Variants in SMR3A observed in about 807,000 individuals in gnomAD.
The protein encoded by SMR3A is submaxillary gland androgen-regulated protein 3A.
For missense variants in SMR3A, 188 were observed against 163.0 expected (o/e 1.15, Z -0.84); for synonymous variants, 48 against 57.4 (o/e 0.84, Z 0.74).
chr4:70,366,578 C>G (rs1345351631), intron 2 of SMR3A, 66 bp from the exon 3 acceptor site: 2 of 1,412,442 alleles, frequency 1.4e-6, no homozygotes, highest in African/African-American at 2.9e-5. Flanking sequence ...ACCATAGAAA[C>G]CATTCACCCT....
chr4:70,365,482 A>G (rs1732239900), intron 2 of SMR3A, among the ~76,000 whole-genome samples: 1 of 152,026 alleles, frequency 6.6e-6, no homozygotes, highest in African/African-American at 2.4e-5. Flanking sequence ...TGTGACAACA[A>G]CCGCAGGAGA....
intron 1 of SMR3A, 103 bp from the exon 2 acceptor site, chr4:70,361,999 A>T: frequency 6.6e-7 from 1 of 1,521,252 alleles, no homozygotes; most frequent in South Asian, 1.3e-5. Context: ...AAAAGGCTAC[A>T]GTAGTATATC....
chr4:70,366,393 G>A (rs1329518454), intron 2 of SMR3A, among the ~76,000 whole-genome samples: 1 of 151,358 alleles, frequency 6.6e-6, no homozygotes, highest in Non-Finnish European at 1.5e-5. Flanking sequence ...CATGGCCCTC[G>A]CCACAACACG....
At chr4:70,362,065 A>C in intron 1 of SMR3A, 37 bp from the exon 2 acceptor site, 1 of 1,609,444 alleles carries the variant, frequency 6.2e-7, no homozygotes, top group Non-Finnish European at 8.5e-7. Flanking sequence ...TTTAATAAAA[A>C]ACAATCATAC....
chr4:70,361,327 T>C (rs1217049796), intron 1 of SMR3A, among the ~76,000 whole-genome samples: 1 of 151,920 alleles, frequency 6.6e-6, no homozygotes, highest in Non-Finnish European at 1.5e-5. Flanking sequence ...ACTCAACCTA[T>C]GTGCAGAGTT....
intron 2 of SMR3A, among the ~76,000 whole-genome samples, chr4:70,364,835 A>T (rs1732226484): frequency 6.6e-6 from 1 of 152,028 alleles, no homozygotes; most frequent in South Asian, 2.1e-4. Flanking sequence ...TAACTTTCTG[A>T]TGGTACAGTG....
At chr4:70,364,755 T>C (rs1266420547) in intron 2 of SMR3A, among the ~76,000 whole-genome samples, 5 of 151,912 alleles carry the variant, frequency 3.3e-5, no homozygotes, top group Admixed American at 1.3e-4. Context: ...TACAGGCCTC[T>C]GGGGAAGTGG....
intron 2 of SMR3A, among the ~76,000 whole-genome samples, chr4:70,363,670 G>A (rs958680902): frequency 1.3e-5 from 2 of 151,900 alleles, no homozygotes; most frequent in Admixed American, 1.3e-4. Flanking sequence ...TGGAAAGGGA[G>A]CTTATCACTG....
rs3775732 is a variant in SMR3A, at chr4:70,367,025, C to A, written c.*31C>A. ...GACAACTGCAACAGGTGCCACCACC[C>A]ACAAAAGACAACACTACCCTCGTAA... On this transcript the variant is annotated 3_prime_UTR_variant, in exon 3 of 3. Transcript: ENST00000226460. 6.3e-7 allele frequency: 1 copy of A among 1,580,770 alleles called. No homozygotes were observed. The highest frequency in any genetic ancestry group is 8.7e-7 in the Non-Finnish European group (1 of 1,152,920).
Position 70,366,724 on chromosome 4 carries a change from T to C in SMR3A, c.135T>C (p.Phe45=), listed in dbSNP as rs779920117. The C allele has an allele frequency of 4.3e-6, 7 of 1,613,460 alleles. No individual in the cohort carries two copies. The highest frequency in any genetic ancestry group is 4.2e-6 in the Non-Finnish European group (5 of 1,179,630). The change falls in exon 3 of 3, where the codon TTT becomes TTC. Residue 45 remains phenylalanine, a synonymous_variant. Transcript: ENST00000226460. ...LAPPPPPCFP[F]GTGFVPPPHP... is the part of the protein sequence containing the mutation. ...CTCCTCCTCCACCATGTTTTCCTTT[T>C]GGAACAGGATTTGTTCCACCACCCC...
intron 2 of SMR3A, among the ~76,000 whole-genome samples, chr4:70,365,983 C>A (rs1182803044): frequency 2.0e-5 from 3 of 152,010 alleles, no homozygotes; most frequent in Admixed American, 6.6e-5. Context: ...ACTATCCAAG[C>A]TTTCATTGAG....
chr4:70,362,636 TA>T (rs911078847), intron 2 of SMR3A, among the ~76,000 whole-genome samples: 5 of 151,946 alleles, frequency 3.3e-5, no homozygotes, highest in African/African-American at 1.2e-4. Flanking sequence ...GAGGAAATAA[TA>T]AACATTTATA....
intron 1 of SMR3A, among the ~76,000 whole-genome samples, 197 bp downstream of exon 1, chr4:70,361,039 T>A (rs1732137649): frequency 6.6e-6 from 1 of 151,916 alleles, no homozygotes; most frequent in South Asian, 2.1e-4. Flanking sequence ...TTGAGGACAA[T>A]TAGTCCACCC....
chr4:70,360,874 T>C (rs374992377), intron 1 of SMR3A, 32 bp downstream of exon 1: 4 of 151,906 alleles, frequency 2.6e-5, no homozygotes, highest in East Asian at 3.9e-4. Context: ...CTGAAGAAAT[T>C]TTTTCTCAGA....
At chr4:70,363,457 C>A (rs1732191457) in intron 2 of SMR3A, among the ~76,000 whole-genome samples, 1 of 151,924 alleles carries the variant, frequency 6.6e-6, no homozygotes, top group Non-Finnish European at 1.5e-5. Flanking sequence ...ATTATCTCTT[C>A]TTTAATCCTC....
Position 70,360,834 on chromosome 4 carries a change from C to A in SMR3A, c.-23C>A, listed in dbSNP as rs1223587018. 1 of 151,920 alleles carries A rather than the reference C, an allele frequency of 6.6e-6. No homozygotes were observed. Among genetic ancestry groups the A allele is most frequent in the Non-Finnish European group, 1.5e-5 (1 of 67,898 alleles). The allele number at this position is 151,920 out of a possible 1,614,324, so 9.4% of individuals were successfully genotyped here. ...GTTAATCAACTCTAAGACAGATCCT[C>A]ACGCAAAGGTATGTACCTGGAAATA... On this transcript the variant is annotated 5_prime_UTR_variant, in exon 1 of 3. Transcript: ENST00000226460.
intron 1 of SMR3A, among the ~76,000 whole-genome samples, 164 bp downstream of exon 1, chr4:70,361,006 G>C (rs573376810): frequency 6.0e-4 from 91 of 151,944 alleles, no homozygotes; most frequent in Admixed American, 9.2e-4. Context: ...TCACATGTCA[G>C]AGTAAAGCAT....
chr4:70,366,874 T>C lies in SMR3A; in HGVS notation c.285T>C (p.Pro95=), dbSNP rs193029061. The C allele has an allele frequency of 1.9e-5, 30 of 1,613,470 alleles. 1 individual carries two copies. In the East Asian group the frequency reaches 5.6e-4, roughly 30 times the overall value. Residue 95 remains proline (P), a synonymous_variant, in exon 3 of 3, where the codon CCT becomes CCC. Transcript: ENST00000226460. ...GGAGAATTCAATCACACTCTCTTCC[T>C]CCTCCTTATGGCCCAGGTTATCCAC... ...GPGRIQSHSL[P]PPYGPGYPQP...
chr4:70,361,443 A>T lies in SMR3A; in HGVS notation c.-15+601A>T, dbSNP rs372677316. Reference sequence around the variant, plus strand: ...ACAAATTGTGAGCCAACTGTGAATAAAATATCTGGACTCCTCCATATTCTC... The same window carrying T: ...ACAAATTGTGAGCCAACTGTGAATATAATATCTGGACTCCTCCATATTCTC... On this transcript the variant is annotated intron_variant, in intron 1 of 2. Coordinates refer to ENST00000226460, the MANE Select transcript of SMR3A (RefSeq NM_012390.4). Among the ~76,000 whole-genome samples, 24 of 151,982 alleles carry T rather than the reference A, an allele frequency of 1.6e-4. No individual in the cohort carries two copies. In the South Asian group the frequency reaches 2.7e-3, roughly 17 times the overall value.
Sources: allele counts gnomAD v4.1 joint callset (sites outside exome capture counted in the v4.1 genomes callset), GRCh38; gene constraint gnomAD v4.1.1; transcripts MANE v1.5; gene names NCBI Gene and HGNC (gene_info 2026-07-23, HGNC 2026-07-21).